Variants in AP5Z1 observed in about 807,000 individuals in gnomAD.
The protein encoded by AP5Z1 is AP-5 complex subunit zeta-1.
In AP5Z1, 106 loss-of-function variants were observed where a neutral mutation model predicts 83.0. The observed-to-expected ratio is 1.28, with a 90% CI of 1.09 to 1.50. The LOEUF is 1.50. Among genes scored for constraint, AP5Z1 ranks in the 40% most tolerant of loss-of-function variants. The pLI is 0.00. For synonymous variants in AP5Z1, 751 were observed against 514.1 expected (o/e 1.46, Z -6.23); for missense variants, 1,565 against 1,094.2 (o/e 1.43, Z -6.07).
intron 13 of AP5Z1, 142 bp downstream of exon 13, chr7:4,789,093 G>A: frequency 1.4e-6 from 1 of 715,296 alleles, no homozygotes; most frequent in Non-Finnish European, 2.3e-6. Context: ...GTGAGGGTCA[G>A]GGAGGCACAT....
chr7:4,786,154 G>A, intron 9 of AP5Z1, 96 bp from the exon 10 acceptor site: 14 of 1,327,968 alleles, frequency 1.1e-5, no homozygotes, highest in Non-Finnish European at 1.4e-5. Context: ...TTGGTGTCCT[G>A]GAGAGCAGGC....
rs1213959823 is a variant in AP5Z1 at position 4,788,964 on chromosome 7, C to T, written c.1707+13C>T. 1 of 1,604,922 alleles carries T rather than the reference C, an allele frequency of 6.2e-7. No individual in the cohort carries two copies. The highest frequency in any genetic ancestry group is 1.3e-5 in the African/African-American group (1 of 74,876). ...AGCAGTGACCCAGGTGAGCTCGCTG[C>T]CTGGGGCCCCCCATTCCCACAGGCC... On this transcript the variant is annotated intron_variant, in intron 13 of 16. Coordinates refer to ENST00000649063, the MANE Select transcript of AP5Z1 (RefSeq NM_014855.3).
intron 10 of AP5Z1, among the ~76,000 whole-genome samples, chr7:4,787,068 G>T (rs780745643): frequency 2.0e-5 from 3 of 150,852 alleles, no homozygotes; most frequent in Non-Finnish European, 4.4e-5. Context: ...CACCGCACCC[G>T]GCCTGGTGCC....
chr7:4,781,868 C>A, intron 3 of AP5Z1, 114 bp downstream of exon 3: 1 of 1,253,686 alleles, frequency 8.0e-7, no homozygotes, highest in Non-Finnish European at 1.1e-6. Context: ...GTAGACGCAT[C>A]TCGGTGCTGA....
rs765365039 is a variant in AP5Z1 at position 4,791,262 on chromosome 7, G to A, written c.2301G>A (p.Val767=). The change falls in exon 17 of 17, where the codon GTG becomes GTA. Residue 767 remains valine (V), a synonymous_variant. Coordinates refer to ENST00000649063, the MANE Select transcript of AP5Z1 (RefSeq NM_014855.3). ...LLKMPSVAQF[V]LTPSTEVCSP... ...AGATGCCTAGCGTGGCCCAGTTTGT[G>A]CTCACACCCAGCACGGAGGTGTGCA... The A allele has an allele frequency of 2.5e-5, 41 of 1,612,752 alleles. No individual in the cohort carries two copies. The East Asian group carries it at 8.9e-4, about 35-fold the overall frequency.
chr7:4,789,822 T>A lies in AP5Z1; in HGVS notation c.1708-10T>A. ...TGGGGCTGAGCCTGTTTCCCACTCC[T>A]GACCCCCAGGTGGCTGACGGGTCCC... On this transcript the variant is annotated splice_polypyrimidine_tract_variant and intron_variant, in intron 13 of 16. Transcript: ENST00000649063. 1 of 1,550,352 alleles carries A rather than the reference T, an allele frequency of 6.5e-7. No homozygotes were observed. Among genetic ancestry groups the A allele is most frequent in the Non-Finnish European group, 8.7e-7 (1 of 1,146,666 alleles).
chr7:4,789,162 TTCCCCAG>T, intron 13 of AP5Z1: 1 of 508,416 alleles, frequency 2.0e-6, no homozygotes, highest in South Asian at 2.4e-5. Context: ...GCAGGCCCCG[TTCCCCAG>T]TCCCCGTCCC....
At chr7:4,789,997 T>TCCCCCCCCCC in intron 14 of AP5Z1, 68 bp downstream of exon 14, 2 of 385,902 alleles carry the variant, frequency 5.2e-6, no homozygotes, top group Non-Finnish European at 6.4e-6. Context: ...CCCTCTCCCC[T>TCCCCCCCCCC]CCCCCCTCCC....
At chr7:4,780,388 G>T (rs901875380) in intron 1 of AP5Z1, among the ~76,000 whole-genome samples, 1 of 150,950 alleles carries the variant, frequency 6.6e-6, no homozygotes, top group Non-Finnish European at 1.5e-5. Context: ...GGGAGGCCGA[G>T]GTGGGCAGAT....
chr7:4,787,746 G>C lies in AP5Z1; in HGVS notation c.1424G>C (p.Cys475Ser). ...CTGCACGCGCTGCTGGACCTGCCCTGCTTGACGGCGGTGCTGGACCTGCAG... is the reference window on the plus strand; with the variant it reads ...CTGCACGCGCTGCTGGACCTGCCCTCCTTGACGGCGGTGCTGGACCTGCAG... ...EMLHALLDLP[C>S]LTAVLDLQLR... Residue 475 changes from cysteine (C) to serine (S), a missense_variant, in exon 11 of 17, where the codon TGC becomes TCC. By Grantham distance (112) the Cys-to-Ser change is moderately radical. Coordinates refer to ENST00000649063, the MANE Select transcript of AP5Z1 (RefSeq NM_014855.3). The C allele has an allele frequency of 6.5e-7, 1 of 1,543,800 alleles. No individual in the cohort carries two copies. Among genetic ancestry groups the C allele is most frequent in the South Asian group, 1.2e-5 (1 of 84,126 alleles).
Position 4,789,753 on chromosome 7 carries a change from C to T in AP5Z1, c.1708-79C>T, listed in dbSNP as rs572193989. 94 of 1,135,168 alleles carry T rather than the reference C, an allele frequency of 8.3e-5. No individual in the cohort carries two copies. In the South Asian group the frequency reaches 1.2e-3, roughly 15 times the overall value. The allele number at this position is 1,135,168 out of a possible 1,614,324, so 70.3% of individuals were successfully genotyped here. On this transcript the variant is annotated intron_variant, in intron 13 of 16. Transcript: ENST00000649063. ...TCCAGCCCCTCACCTGCCCCCCAGC[C>T]CTCACCATGGCTTCACCCCCAACCT... is the stretch of plus-strand genomic sequence containing the variant.
chr7:4,789,802 C>T (rs1199641962), intron 13 of AP5Z1, 30 bp from the exon 14 acceptor site: 1 of 1,536,836 alleles, frequency 6.5e-7, no homozygotes, highest in East Asian at 2.4e-5. Flanking sequence ...GGGGGTGGGG[C>T]TGAGCCTGTT....
In AP5Z1 at chr7:4,790,451, C is replaced by T. The variant is rs1781725177; in HGVS notation, c.1806-8C>T. ...ACAGAGCAGGCGTAGACCCGGCTTT[C>T]TGGGCAGTGTGCTGAGTTCTCAGTT... On this transcript the variant is annotated splice_region_variant and splice_polypyrimidine_tract_variant and intron_variant, in intron 14 of 16. Coordinates refer to ENST00000649063, the MANE Select transcript of AP5Z1 (RefSeq NM_014855.3). The T allele has an allele frequency of 1.2e-6, 2 of 1,613,082 alleles. No homozygotes were observed. The highest frequency in any genetic ancestry group is 1.7e-6 in the Non-Finnish European group (2 of 1,179,862).
At chr7:4,788,994 A>C in intron 13 of AP5Z1, 43 bp downstream of exon 13, 1 of 1,553,858 alleles carries the variant, frequency 6.4e-7, no homozygotes, top group Non-Finnish European at 8.8e-7. Context: ...CAGGCCTCAC[A>C]ACTGAGGGGC....
At chr7:4,790,923 C>T (rs1305253914) in intron 16 of AP5Z1, 36 bp downstream of exon 16, 3 of 1,546,852 alleles carry the variant, frequency 1.9e-6, no homozygotes, top group African/African-American at 1.4e-5. Flanking sequence ...CCTTCTGGCT[C>T]CTGGGGAAGA....
At chr7:4,780,490 C>T (rs970412862) in intron 1 of AP5Z1, among the ~76,000 whole-genome samples, 2 of 151,842 alleles carry the variant, frequency 1.3e-5, no homozygotes, top group South Asian at 2.1e-4. Flanking sequence ...GTAGGCCAGG[C>T]GCGGTGGCTC....
At position 4,786,412 on chromosome 7, in the gene AP5Z1, TC is replaced by T. The variant is rs1282416595; in HGVS notation, c.1299del (p.Asn434ThrfsTer43). The T allele has an allele frequency of 6.2e-7, 1 of 1,613,664 alleles. No homozygotes were observed. Among genetic ancestry groups the T allele is most frequent in the Non-Finnish European group, 8.5e-7 (1 of 1,179,852 alleles). ...SGHLSTLRLS[F>X]PNLFKFLAWN... ...CACCTCAGCACCCTCAGATTGAGCT[TC>T]CCCAACCTCTTTAAGGTATATTTGG... On this transcript the variant is annotated frameshift_variant, in exon 10 of 17. Coordinates refer to ENST00000649063, the MANE Select transcript of AP5Z1 (RefSeq NM_014855.3). LOFTEE classifies it high-confidence loss of function.
In AP5Z1 at chr7:4,785,468, C is replaced by T; in HGVS notation, c.969+16C>T. 6.2e-7 allele frequency: 1 copy of T among 1,613,134 alleles called. No individual in the cohort carries two copies. The highest frequency in any genetic ancestry group is 8.5e-7 in the Non-Finnish European group (1 of 1,179,416). ...GCAGAAAGCTGTAAGTGGCTGGGGA[C>T]CAGGGGATGGGAGGCAGCGACTCGG... is the stretch of plus-strand genomic sequence containing the variant. On this transcript the variant is annotated intron_variant, in intron 8 of 16. Coordinates refer to ENST00000649063, the MANE Select transcript of AP5Z1 (RefSeq NM_014855.3).
rs544730863 is a variant in AP5Z1, at chr7:4,788,757, G to A, written c.1596-83G>A. The A allele has an allele frequency of 6.0e-5, 74 of 1,232,456 alleles. No homozygotes were observed. In the East Asian group the frequency reaches 1.8e-3, roughly 29 times the overall value. 76.3% of individuals were successfully genotyped at this position (1,232,456 alleles called of 1,614,324 possible). A position where few individuals can be genotyped will look rare whatever the true frequency, so the allele number is the denominator to read the frequency against. On this transcript the variant is annotated intron_variant, in intron 12 of 16. Coordinates refer to ENST00000649063, the MANE Select transcript of AP5Z1 (RefSeq NM_014855.3). The stretch of plus-strand genomic sequence containing the variant: ...GATGGGAGCGGGCTCAGCTGTGCGA[G>A]AGGGAGCAGTGGCGACGTGGCCCCG...
Sources: allele counts gnomAD v4.1 joint callset (sites outside exome capture counted in the v4.1 genomes callset), GRCh38; gene constraint gnomAD v4.1.1; transcripts MANE v1.5; gene names NCBI Gene and HGNC (gene_info 2026-07-23, HGNC 2026-07-21).